Variants in TPD52L1 observed in about 807,000 individuals in gnomAD.
TPD52L1 encodes the protein TPD52 like 1.
A neutral mutation model predicts 28.7 loss-of-function variants in TPD52L1; 18 were observed. The observed-to-expected ratio is 0.63, with a 90% confidence interval of 0.43 to 0.93. The LOEUF (loss-of-function observed/expected upper bound fraction) is 0.93. Among genes scored for constraint, TPD52L1 ranks in the 40% least tolerant of loss-of-function variants. The pLI, the probability that TPD52L1 is intolerant of heterozygous loss-of-function variation, is 0.00. For missense variants in TPD52L1, 203 were observed against 254.8 expected (o/e 0.80, Z 1.39); for synonymous variants, 75 against 88.8 (o/e 0.84, Z 0.88).
Position 125,153,783 on chromosome 6 carries a change from A to T in TPD52L1, c.-169A>T. On this transcript the variant is annotated 5_prime_UTR_variant, in exon 1 of 7. Transcript: ENST00000534000. Reference sequence around the variant, plus strand: ...GGGGCGGAGGTAACCAGAAGCGGCTAGTGGCGGCTGCCTGCGTCCCCAACC... The same window carrying T: ...GGGGCGGAGGTAACCAGAAGCGGCTTGTGGCGGCTGCCTGCGTCCCCAACC... 1 of 654,698 alleles carries T rather than the reference A, an allele frequency of 1.5e-6. No homozygotes were observed. Among genetic ancestry groups the T allele is most frequent in the Non-Finnish European group, 2.5e-6 (1 of 406,292 alleles). The allele number at this position is 654,698 out of a possible 1,614,324, so 40.6% of individuals were successfully genotyped here.
At chr6:125,189,243 C>T (rs1792868887) in intron 1 of TPD52L1, among the ~76,000 whole-genome samples, 1 of 152,072 alleles carries the variant, frequency 6.6e-6, no homozygotes. Context: ...TAATAATAAC[C>T]CCAGTTGGGC....
chr6:125,172,399 C>T (rs1208860835), intron 1 of TPD52L1, among the ~76,000 whole-genome samples: 1 of 139,264 alleles, frequency 7.2e-6, no homozygotes, highest in East Asian at 2.1e-4. Flanking sequence ...ATGATCCTCC[C>T]ATGGCAGCCT....
intron 1 of TPD52L1, among the ~76,000 whole-genome samples, chr6:125,163,745 G>A (rs1156971762): frequency 1.1e-4 from 17 of 150,852 alleles, no homozygotes; most frequent in Non-Finnish European, 2.1e-4. Flanking sequence ...GATCAACATC[G>A]TGAAACCCCC....
chr6:125,163,248 C>A (rs886257928), intron 1 of TPD52L1, among the ~76,000 whole-genome samples: 15 of 152,120 alleles, frequency 9.9e-5, no homozygotes, highest in South Asian at 8.3e-4. Flanking sequence ...ATAGCAATAA[C>A]ATTTTAGTGT....
At chr6:125,172,778 T>G (rs928659678) in intron 1 of TPD52L1, among the ~76,000 whole-genome samples, 6 of 151,076 alleles carry the variant, frequency 4.0e-5, no homozygotes, top group African/African-American at 1.5e-4. Context: ...AGAACAGGGC[T>G]TGACACACAG....
At chr6:125,171,931 T>C (rs1003391335) in intron 1 of TPD52L1, among the ~76,000 whole-genome samples, 2 of 150,172 alleles carry the variant, frequency 1.3e-5, no homozygotes, top group Non-Finnish European at 2.9e-5. Context: ...ATGGGATGTA[T>C]ATTTTTTTTT....
intron 1 of TPD52L1, among the ~76,000 whole-genome samples, chr6:125,168,767 C>T (rs563147688): frequency 5.7e-4 from 87 of 152,238 alleles, no homozygotes; most frequent in Non-Finnish European, 9.6e-4. Context: ...CCGCCCACCT[C>T]GGCCTCCTAA....
At chr6:125,222,324 C>T (rs1245160538) in intron 2 of TPD52L1, among the ~76,000 whole-genome samples, 1 of 152,130 alleles carries the variant, frequency 6.6e-6, no homozygotes, top group Non-Finnish European at 1.5e-5. Context: ...TTTATGGGCC[C>T]CTGGTCACAG....
chr6:125,219,068 G>T (rs997411414), intron 1 of TPD52L1, among the ~76,000 whole-genome samples: 2 of 151,980 alleles, frequency 1.3e-5, no homozygotes, highest in African/African-American at 4.8e-5. Context: ...TGCTCAGGCC[G>T]GTGGGAGTTT....
At chr6:125,183,669 T>C (rs1454807312) in intron 1 of TPD52L1, among the ~76,000 whole-genome samples, 1 of 152,104 alleles carries the variant, frequency 6.6e-6, no homozygotes, top group South Asian at 2.1e-4. Flanking sequence ...ACAAAAAGCA[T>C]CACGATTACA....
chr6:125,196,486 A>G (rs1475363939), intron 1 of TPD52L1, among the ~76,000 whole-genome samples: 1 of 152,270 alleles, frequency 6.6e-6, no homozygotes, highest in Non-Finnish European at 1.5e-5. Context: ...TCCTGTCTCA[A>G]CGCAAGACCA....
chr6:125,179,128 T>C (rs1792020781), intron 1 of TPD52L1, among the ~76,000 whole-genome samples: 1 of 152,232 alleles, frequency 6.6e-6, no homozygotes, highest in Non-Finnish European at 1.5e-5. Flanking sequence ...TCTGGCTGAA[T>C]TCTGGGCATC....
intron 2 of TPD52L1, among the ~76,000 whole-genome samples, chr6:125,223,708 C>CA (rs11294390): frequency 0.25 from 17,514 of 69,732 alleles, 2,532 homozygotes; most frequent in Admixed American, 0.34. Context: ...GATTCCATCT[C>CA]AAAAAAAAAA....
intron 3 of TPD52L1, among the ~76,000 whole-genome samples, chr6:125,230,219 A>G (rs1795868743): frequency 6.6e-6 from 1 of 152,198 alleles, no homozygotes. Flanking sequence ...TGCATGAAAT[A>G]TTTAATGATG....
At chr6:125,246,758 C>T (rs965784295) in intron 3 of TPD52L1, among the ~76,000 whole-genome samples, 6 of 151,960 alleles carry the variant, frequency 3.9e-5, no homozygotes, top group Non-Finnish European at 7.4e-5. Flanking sequence ...CTGGCATCCA[C>T]ATTCCTTGTT....
At chr6:125,228,616 G>T (rs1582972427) in intron 2 of TPD52L1, among the ~76,000 whole-genome samples, 1 of 152,176 alleles carries the variant, frequency 6.6e-6, no homozygotes, top group Admixed American at 6.5e-5. Flanking sequence ...CAAGACAGGA[G>T]AATCCCTTGA....
intron 1 of TPD52L1, among the ~76,000 whole-genome samples, chr6:125,167,748 A>G (rs993507716): frequency 1.1e-4 from 17 of 152,176 alleles, no homozygotes; most frequent in African/African-American, 4.1e-4. Context: ...AGAAGACACC[A>G]AGACTCCAGG....
intron 1 of TPD52L1, among the ~76,000 whole-genome samples, chr6:125,202,766 C>CTTTTTTTT (rs55761249): frequency 0.23 from 26,390 of 115,048 alleles, 4,030 homozygotes; most frequent in Admixed American, 0.32. Context: ...GGAGGTTTAT[C>CTTTTTTTT]TTTTTTTTTT....
chr6:125,249,429 G>A (rs775034315), intron 4 of TPD52L1, among the ~76,000 whole-genome samples: 33 of 151,606 alleles, frequency 2.2e-4, no homozygotes, highest in Non-Finnish European at 3.5e-4. Context: ...CTGTAATCCC[G>A]TCATTTTGGG....
Sources: allele counts gnomAD v4.1 joint callset (sites outside exome capture counted in the v4.1 genomes callset), GRCh38; gene constraint gnomAD v4.1.1; transcripts MANE v1.5; gene names NCBI Gene and HGNC (gene_info 2026-07-23, HGNC 2026-07-21).